AK3: variants seen among roughly 807,000 people sequenced by gnomAD.
AK3 encodes the protein adenylate kinase 3, also known as GTP:AMP phosphotransferase AK3, mitochondrial.
In AK3, 27 loss-of-function variants were observed where a neutral mutation model predicts 23.7. That is an observed-to-expected ratio of 1.14 (90% CI 0.84 to 1.57). The LOEUF is 1.57. Among genes scored for constraint, AK3 ranks in the 40% most tolerant of loss-of-function variants. The pLI is 0.00. For missense variants in AK3, 406 were observed against 285.6 expected (o/e 1.42, Z -3.04); for synonymous variants, 159 against 116.0 (o/e 1.37, Z -2.38).
At chr9:4,728,675 C>T (rs961686364) in intron 1 of AK3, among the ~76,000 whole-genome samples, 3 of 151,632 alleles carry the variant, frequency 2.0e-5, no homozygotes, top group Non-Finnish European at 2.9e-5. Context: ...ATTTGTAAAA[C>T]AGTGTGGTAG....
intron 1 of AK3, among the ~76,000 whole-genome samples, chr9:4,740,034 C>T (rs902583031): frequency 5.2e-5 from 7 of 134,170 alleles, no homozygotes; most frequent in Non-Finnish European, 9.2e-5. Context: ...TTATGCTATG[C>T]ACGTCTATCC....
In AK3 at chr9:4,710,806, A is replaced by T. The variant is rs974523924; in HGVS notation, c.*2170T>A. On this transcript the variant is annotated 3_prime_UTR_variant, in exon 5 of 5. Coordinates refer to ENST00000381809, the MANE Select transcript of AK3 (RefSeq NM_016282.4). ...ATACCTGTAGTTTCAGCTACTTGGG[A>T]GGCTGAGGTAGAAGAATTGCGTGAG... 4 of 152,126 alleles carry T rather than the reference A, an allele frequency of 2.6e-5. No homozygotes were observed. The highest frequency in any genetic ancestry group is 4.4e-5 in the Non-Finnish European group (3 of 68,050). The allele number at this position is 152,126 out of a possible 1,614,324, so 9.4% of individuals were successfully genotyped here. A position where few individuals can be genotyped will look rare whatever the true frequency, so the allele number is the denominator to read the frequency against.
intron 4 of AK3, among the ~76,000 whole-genome samples, chr9:4,714,065 C>CAGCT (rs1328648530): frequency 0.56 from 11,997 of 21,460 alleles, 2,574 homozygotes; most frequent in African/African-American, 0.61. Context: ...TACACATATA[C>CAGCT]ACACCTACAC....
intron 1 of AK3, among the ~76,000 whole-genome samples, chr9:4,736,675 T>C (rs553755728): frequency 6.6e-6 from 1 of 152,104 alleles, no homozygotes; most frequent in Admixed American, 6.5e-5. Flanking sequence ...CCGTCTAGTC[T>C]AGGGTTATGT....
At chr9:4,733,708 A>T (rs1842207264) in intron 1 of AK3, among the ~76,000 whole-genome samples, 1 of 151,932 alleles carries the variant, frequency 6.6e-6, no homozygotes, top group Non-Finnish European at 1.5e-5. Context: ...CAATTACATA[A>T]ATGCCCACCT....
intron 1 of AK3, among the ~76,000 whole-genome samples, chr9:4,724,559 G>A (rs1009020171): frequency 1.3e-5 from 2 of 152,138 alleles, no homozygotes; most frequent in African/African-American, 4.8e-5. Context: ...GTAAAACTAT[G>A]TCTAAAGCCA....
intron 1 of AK3, among the ~76,000 whole-genome samples, chr9:4,739,647 G>C (rs1015956822): frequency 9.2e-5 from 14 of 151,674 alleles, no homozygotes; most frequent in African/African-American, 3.4e-4. Context: ...AAAGATACAC[G>C]TTGGCCGGGC....
chr9:4,735,658 G>A (rs186756210), intron 1 of AK3, among the ~76,000 whole-genome samples: 8 of 149,222 alleles, frequency 5.4e-5, no homozygotes, highest in Admixed American at 6.8e-5. Context: ...TAGTAGAGAC[G>A]GGGTCTCACC....
intron 1 of AK3, among the ~76,000 whole-genome samples, chr9:4,738,935 C>G (rs1842359966): frequency 6.6e-6 from 1 of 151,840 alleles, no homozygotes; most frequent in East Asian, 1.9e-4. Flanking sequence ...CCATGCCCAG[C>G]TAATTTTTTG....
chr9:4,718,756 G>C (rs949232108), intron 3 of AK3, among the ~76,000 whole-genome samples: 3 of 147,974 alleles, frequency 2.0e-5, no homozygotes, highest in Non-Finnish European at 3.0e-5. Context: ...TTTAGCCTTA[G>C]AGTAAAAGGT....
At chr9:4,736,842 T>C (rs934949248) in intron 1 of AK3, among the ~76,000 whole-genome samples, 6 of 152,112 alleles carry the variant, frequency 3.9e-5, no homozygotes, top group Non-Finnish European at 8.8e-5. Flanking sequence ...CACATCCAGC[T>C]AATGTTTTTA....
intron 4 of AK3, among the ~76,000 whole-genome samples, chr9:4,714,493 C>A (rs1388678387): frequency 1.3e-5 from 2 of 152,296 alleles, no homozygotes; most frequent in South Asian, 4.1e-4. Flanking sequence ...TAGAAACCCT[C>A]CTGCTTCTAA....
intron 1 of AK3, among the ~76,000 whole-genome samples, chr9:4,733,252 A>T (rs1842195607): frequency 6.6e-6 from 1 of 152,190 alleles, no homozygotes; most frequent in Non-Finnish European, 1.5e-5. Context: ...ACTTAACTTT[A>T]AAAATGTGTC....
At position 4,716,252 on chromosome 9, in the gene AK3, C is replaced by A. The variant is rs73641805; in HGVS notation, c.563+2167G>T. On this transcript the variant is annotated intron_variant, in intron 4 of 4. Coordinates refer to ENST00000381809, the MANE Select transcript of AK3 (RefSeq NM_016282.4). Reference sequence around the variant, plus strand: ...TATGATAAATACTGTTTACCCAGCTCCCCACCTCACCCACAAACATAGCTT... The same window carrying A: ...TATGATAAATACTGTTTACCCAGCTACCCACCTCACCCACAAACATAGCTT... 9.2e-3 allele frequency among the ~76,000 whole-genome samples: 1,403 copies of A among 152,268 alleles called. 19 individuals carry two copies. Among genetic ancestry groups the A allele is most frequent in the African/African-American group, 0.032 (1,318 of 41,544 alleles).
intron 3 of AK3, 57 bp downstream of exon 3, chr9:4,719,078 A>G: frequency 1.5e-5 from 24 of 1,587,984 alleles, no homozygotes; most frequent in Non-Finnish European, 2.1e-5. Context: ...TATGTCTGTT[A>G]GGGCAAGAGG....
chr9:4,720,403 G>A (rs921724216), intron 2 of AK3, among the ~76,000 whole-genome samples: 1 of 152,126 alleles, frequency 6.6e-6, no homozygotes, highest in African/African-American at 2.4e-5. Flanking sequence ...CAAAAGTTAG[G>A]CCACACATGG....
chr9:4,735,765 G>C (rs573012419), intron 1 of AK3, among the ~76,000 whole-genome samples: 2 of 125,164 alleles, frequency 1.6e-5, no homozygotes, highest in East Asian at 4.3e-4. Context: ...CACCATGCCT[G>C]GCCAAAAAAA....
At chr9:4,721,129 G>C (rs1841884100) in intron 2 of AK3, among the ~76,000 whole-genome samples, 1 of 152,176 alleles carries the variant, frequency 6.6e-6, no homozygotes, top group South Asian at 2.1e-4. Context: ...GATGCCAGGT[G>C]CGATGGCTCA....
chr9:4,741,121 C>T lies in AK3; in HGVS notation c.-34G>A. On this transcript the variant is annotated 5_prime_UTR_variant, in exon 1 of 5. Coordinates refer to ENST00000381809, the MANE Select transcript of AK3 (RefSeq NM_016282.4). Reference sequence around the variant, plus strand: ...ACTGAGGCCCGCACCGCGCGGGTACCAGGGCTTTGGCCTGGCCTGCGCGCT... The same window carrying T: ...ACTGAGGCCCGCACCGCGCGGGTACTAGGGCTTTGGCCTGGCCTGCGCGCT... 2 of 1,476,094 alleles carry T rather than the reference C, an allele frequency of 1.4e-6. No individual in the cohort carries two copies. The highest frequency in any genetic ancestry group is 1.8e-6 in the Non-Finnish European group (2 of 1,112,956). 91.4% of individuals were successfully genotyped at this position (1,476,094 alleles called of 1,614,324 possible).
Sources: allele counts gnomAD v4.1 joint callset (sites outside exome capture counted in the v4.1 genomes callset), GRCh38; gene constraint gnomAD v4.1.1; transcripts MANE v1.5; gene names NCBI Gene and HGNC (gene_info 2026-07-23, HGNC 2026-07-21).